Variants in CD247 observed in about 807,000 individuals in gnomAD.
The protein encoded by CD247 is T-cell surface glycoprotein CD3 zeta chain.
A neutral mutation model predicts 30.0 loss-of-function variants in CD247; 13 were observed. The observed-to-expected ratio is 0.43, with a 90% confidence interval of 0.28 to 0.69. The LOEUF is 0.69. Among genes scored for constraint, CD247 ranks in the 30% least tolerant of loss-of-function variants. The pLI, the probability that CD247 is intolerant of heterozygous loss-of-function variation, is 0.16. For synonymous variants in CD247, 72 were observed against 80.0 expected (o/e 0.90, Z 0.53); for missense variants, 193 against 212.6 (o/e 0.91, Z 0.57).
chr1:167,478,358 T>A (rs1232147560), intron 1 of CD247, among the ~76,000 whole-genome samples: 2 of 152,202 alleles, frequency 1.3e-5, no homozygotes, highest in African/African-American at 2.4e-5. Flanking sequence ...CAAAGGGCCT[T>A]CGGAACATGA....
intron 1 of CD247, among the ~76,000 whole-genome samples, chr1:167,458,835 G>A (rs557223702): frequency 2.6e-5 from 4 of 151,560 alleles, no homozygotes; most frequent in Admixed American, 2.6e-4. Context: ...CAAGAATCAT[G>A]GAGAAATTGG....
chr1:167,432,014 ATGC>A (rs1651294124), intron 7 of CD247, among the ~76,000 whole-genome samples: 1 of 152,130 alleles, frequency 6.6e-6, no homozygotes, highest in African/African-American at 2.4e-5. Flanking sequence ...AGCTCCTCAA[ATGC>A]TGTGCCTTAC....
chr1:167,494,166 G>A lies in CD247; in HGVS notation c.58+24242C>T, dbSNP rs77752240. ...AACTGAGTCAGGAGACACTTTAGAC[G>A]ATGGAGGGTTGGGGGATGGAGGTGG... is the stretch of plus-strand genomic sequence containing the variant. On this transcript the variant is annotated intron_variant, in intron 1 of 7. Transcript: ENST00000362089. The surrounding 1 kb of genome is among the most constrained non-coding windows in gnomAD (Gnocchi z 7.3). Among the ~76,000 whole-genome samples the A allele has an allele frequency of 6.1e-3, 935 of 152,216 alleles. 15 individuals are homozygous for A. Among genetic ancestry groups the A allele is most frequent in the African/African-American group, 0.021 (873 of 41,500 alleles).
chr1:167,505,477 G>A (rs1271313414), intron 1 of CD247, among the ~76,000 whole-genome samples: 1 of 152,220 alleles, frequency 6.6e-6, no homozygotes, highest in Non-Finnish European at 1.5e-5. Context: ...CTGCCTGCCT[G>A]CCTGCTTCGT....
At chr1:167,463,291 A>C (rs1176382349) in intron 1 of CD247, among the ~76,000 whole-genome samples, 4 of 152,322 alleles carry the variant, frequency 2.6e-5, no homozygotes, top group African/African-American at 9.6e-5. Flanking sequence ...AGGTACAGAC[A>C]GCAAACTCAG....
At chr1:167,442,887 C>T (rs957287549) in intron 1 of CD247, among the ~76,000 whole-genome samples, 9 of 152,220 alleles carry the variant, frequency 5.9e-5, no homozygotes, top group Non-Finnish European at 1.5e-5. Flanking sequence ...GCTCTTTGTC[C>T]AGCCATGTTA....
At chr1:167,435,846 G>A (rs1189577261) in intron 4 of CD247, among the ~76,000 whole-genome samples, 1 of 152,254 alleles carries the variant, frequency 6.6e-6, no homozygotes, top group East Asian at 1.9e-4. Context: ...TCCTAGTCCT[G>A]ACAAGAGGAG....
chr1:167,451,830 G>A (rs1017539728), intron 1 of CD247, among the ~76,000 whole-genome samples: 6 of 152,238 alleles, frequency 3.9e-5, no homozygotes, highest in African/African-American at 1.4e-4. Context: ...GATTAGGTCG[G>A]GCGAGGTGGC....
At chr1:167,453,609 G>A (rs538241654) in intron 1 of CD247, among the ~76,000 whole-genome samples, 16 of 152,040 alleles carry the variant, frequency 1.1e-4, no homozygotes, top group African/African-American at 2.7e-4. Context: ...ATATATAACC[G>A]TTAAAAAAAA....
intron 1 of CD247, among the ~76,000 whole-genome samples, chr1:167,471,989 C>A (rs953642345): frequency 2.6e-5 from 4 of 151,922 alleles, no homozygotes; most frequent in Non-Finnish European, 4.4e-5. Flanking sequence ...ACCACCACCA[C>A]ACCCAACTAA....
intron 1 of CD247, among the ~76,000 whole-genome samples, chr1:167,516,522 A>T (rs548102232): frequency 3.9e-5 from 6 of 152,236 alleles, no homozygotes; most frequent in Non-Finnish European, 8.8e-5. Context: ...CTGAAATTCT[A>T]TGTGCGGCCT....
rs146859910 is a variant in CD247 at position 167,452,355 on chromosome 1, A to G, written c.59-11588T>C. On this transcript the variant is annotated intron_variant, in intron 1 of 7. Transcript: ENST00000362089. ...CTTGAACCCGGGAGGCGGAGGCTGC[A>G]GTGAGCCGAGATTGTGCCACTGCAC... Among the ~76,000 whole-genome samples the G allele has an allele frequency of 3.1e-3, 469 of 151,512 alleles. 1 individual carries two copies. The highest frequency in any genetic ancestry group is 0.011 in the African/African-American group (442 of 41,350).
At chr1:167,464,227 C>T (rs1653142645) in intron 1 of CD247, among the ~76,000 whole-genome samples, 1 of 151,990 alleles carries the variant, frequency 6.6e-6, no homozygotes, top group Admixed American at 6.6e-5. Flanking sequence ...TAATTTCCCC[C>T]AAGCAGATGC....
At chr1:167,495,605 C>A (rs562922157) in intron 1 of CD247, among the ~76,000 whole-genome samples, 22 of 152,292 alleles carry the variant, frequency 1.4e-4, no homozygotes, top group Non-Finnish European at 2.9e-4. Context: ...TGCTCCAAGT[C>A]CTTGACCTCC....
intron 1 of CD247, among the ~76,000 whole-genome samples, chr1:167,511,126 C>T (rs1339779426): frequency 6.6e-6 from 1 of 152,180 alleles, no homozygotes; most frequent in African/African-American, 2.4e-5. Context: ...AGACATTTGT[C>T]ATTCAAAGAT....
At chr1:167,463,653 G>T (rs758873927) in intron 1 of CD247, among the ~76,000 whole-genome samples, 22 of 152,202 alleles carry the variant, frequency 1.4e-4, no homozygotes, top group Non-Finnish European at 2.5e-4. Context: ...GGACACCAAA[G>T]AGTTATTATT....
chr1:167,507,011 C>T (rs1017489739), intron 1 of CD247, among the ~76,000 whole-genome samples: 3 of 151,472 alleles, frequency 2.0e-5, no homozygotes, highest in African/African-American at 7.3e-5. Flanking sequence ...ATTCTCCTGC[C>T]TCAGCCTCCT....
chr1:167,453,106 A>G (rs1201304735), intron 1 of CD247, among the ~76,000 whole-genome samples: 2 of 150,222 alleles, frequency 1.3e-5, no homozygotes, highest in Admixed American at 1.3e-4. Context: ...CAACTTGGAC[A>G]TGTAGCTTTC....
At chr1:167,437,229 C>T (rs912653122) in intron 4 of CD247, among the ~76,000 whole-genome samples, 1 of 151,464 alleles carries the variant, frequency 6.6e-6, no homozygotes, top group African/African-American at 2.4e-5. Context: ...ATGGAGAAAC[C>T]CCGTCTCTAC....
Sources: allele counts gnomAD v4.1 joint callset (sites outside exome capture counted in the v4.1 genomes callset), GRCh38; gene constraint gnomAD v4.1.1; non-coding constraint Gnocchi (gnomAD v3.1); transcripts MANE v1.5; gene names NCBI Gene and HGNC (gene_info 2026-07-23, HGNC 2026-07-21).